The following IQCJ variants were observed in gnomAD, a reference collection of about 807,000 sequenced individuals.
IQCJ encodes the protein IQ motif containing J.
Under a neutral mutation model 11.0 loss-of-function variants are expected in IQCJ, and 9 were observed. The ratio of observed to expected loss-of-function variants is 0.82; its 90% confidence interval spans 0.49 to 1.43. IQCJ has a LOEUF of 1.43. Among genes scored for constraint, IQCJ ranks in the 40% most tolerant of loss-of-function variants. IQCJ has a pLI of 0.00. For synonymous variants in IQCJ, 55 were observed against 51.3 expected, an observed-to-expected ratio of 1.07 and a Z score of -0.31; for missense variants, 146 against 133.2, an observed-to-expected ratio of 1.10 and a Z score of -0.47.
chr3:159,137,170 G>A (rs1720337772), intron 1 of IQCJ, among the ~76,000 whole-genome samples: 2 of 152,014 alleles, frequency 1.3e-5, no homozygotes, highest in South Asian at 4.2e-4. Context: ...GCTGGGGCAG[G>A]AGAATTGCTT....
At chr3:159,089,796 T>C (rs1253584512) in intron 1 of IQCJ, among the ~76,000 whole-genome samples, 4 of 151,588 alleles carry the variant, frequency 2.6e-5, no homozygotes, top group Non-Finnish European at 5.9e-5. Flanking sequence ...CTTCTCTGTA[T>C]TGGTTATTCT....
chr3:159,074,705 T>C (rs1399734601), intron 1 of IQCJ, among the ~76,000 whole-genome samples: 2 of 152,116 alleles, frequency 1.3e-5, no homozygotes, highest in Non-Finnish European at 2.9e-5. Flanking sequence ...CCAACAATTC[T>C]AACAAAATTT....
At chr3:159,246,331 A>T (rs558870715) in intron 2 of IQCJ, among the ~76,000 whole-genome samples, 1 of 152,330 alleles carries the variant, frequency 6.6e-6, no homozygotes, top group Admixed American at 6.5e-5. Flanking sequence ...AAAAGAAGAG[A>T]TGAAATTGAA....
intron 1 of IQCJ, among the ~76,000 whole-genome samples, chr3:159,112,826 G>A (rs959778657): frequency 1.3e-5 from 2 of 152,136 alleles, no homozygotes; most frequent in East Asian, 1.9e-4. Flanking sequence ...TAGTTTCTTT[G>A]AGTGGGACCA....
intron 1 of IQCJ, among the ~76,000 whole-genome samples, chr3:159,173,108 C>A (rs1009114433): frequency 6.6e-6 from 1 of 152,268 alleles, no homozygotes; most frequent in Non-Finnish European, 1.5e-5. Context: ...TACTAGATTG[C>A]CTATCATAAA....
intron 1 of IQCJ, among the ~76,000 whole-genome samples, chr3:159,218,341 T>TTGTG (rs34078356): frequency 0.041 from 6,050 of 145,956 alleles, 232 homozygotes; most frequent in African/African-American, 0.1. Context: ...GAGTCCCTCT[T>TTGTG]TGTGTGTGTG....
chr3:159,072,525 T>C (rs1444795429), intron 1 of IQCJ, among the ~76,000 whole-genome samples: 2 of 152,108 alleles, frequency 1.3e-5, no homozygotes, highest in Non-Finnish European at 2.9e-5. Context: ...TCAAAATTAA[T>C]ATTCACTAAC....
At position 159,091,088 on chromosome 3, in the gene IQCJ, T is replaced by C. The variant is rs1208418107; in HGVS notation, c.9+21647T>C. Among the ~76,000 whole-genome samples the C allele has an allele frequency of 2.0e-5, 3 of 151,420 alleles. 1 individual carries two copies. Among genetic ancestry groups the C allele is most frequent in the African/African-American group, 7.4e-5 (3 of 40,684 alleles). On this transcript the variant is annotated intron_variant, in intron 1 of 3. Transcript: ENST00000397832. ...TGGAAACCCTAACTTGAATTTTTCT[T>C]AGGGCCTTTTTTTTTAAGAACTATA... is the stretch of plus-strand genomic sequence containing the variant.
At chr3:159,146,237 G>A (rs1720919815) in intron 1 of IQCJ, among the ~76,000 whole-genome samples, 1 of 152,130 alleles carries the variant, frequency 6.6e-6, no homozygotes, top group African/African-American at 2.4e-5. Flanking sequence ...TTGAAGATGT[G>A]GCAAATTGAT....
chr3:159,081,522 T>C (rs977900843), intron 1 of IQCJ, among the ~76,000 whole-genome samples: 3 of 152,134 alleles, frequency 2.0e-5, no homozygotes, highest in African/African-American at 4.8e-5. Context: ...GATTCTTCAG[T>C]GGTATAAAAG....
At chr3:159,255,628 A>AGGGT (rs1727854925) in intron 3 of IQCJ, among the ~76,000 whole-genome samples, 1 of 152,124 alleles carries the variant, frequency 6.6e-6, no homozygotes, top group Non-Finnish European at 1.5e-5. Flanking sequence ...AGTGTCGGGG[A>AGGGT]GGGTGCCTGT....
intron 1 of IQCJ, among the ~76,000 whole-genome samples, chr3:159,089,094 A>G (rs184068937): frequency 0.016 from 2,394 of 151,380 alleles, 73 homozygotes; most frequent in African/African-American, 0.055. Flanking sequence ...TTCCTTCAGG[A>G]GCTCTTTTAG....
At chr3:159,109,167 T>C (rs1718457713) in intron 1 of IQCJ, among the ~76,000 whole-genome samples, 2 of 152,218 alleles carry the variant, frequency 1.3e-5, no homozygotes, top group Admixed American at 6.6e-5. Flanking sequence ...CAGTACTTAC[T>C]GAGTAGGTTG....
At chr3:159,260,717 G>C (rs764430004) in intron 3 of IQCJ, among the ~76,000 whole-genome samples, 1 of 152,120 alleles carries the variant, frequency 6.6e-6, no homozygotes, top group South Asian at 2.1e-4. Flanking sequence ...CTTTGAGCAA[G>C]ATTTCGTAAT....
intron 1 of IQCJ, among the ~76,000 whole-genome samples, chr3:159,228,121 C>A (rs1460347105): frequency 1.3e-5 from 2 of 152,194 alleles, no homozygotes; most frequent in African/African-American, 2.4e-5. Flanking sequence ...GAAAACCAAG[C>A]ATTTTTCCCC....
intron 1 of IQCJ, among the ~76,000 whole-genome samples, chr3:159,182,842 G>A (rs1360491710): frequency 2.6e-5 from 4 of 151,458 alleles, no homozygotes; most frequent in African/African-American, 9.7e-5. Context: ...AACCGATTAG[G>A]TCAGGGGTCA....
At chr3:159,145,530 G>T (rs1720876990) in intron 1 of IQCJ, among the ~76,000 whole-genome samples, 3 of 150,678 alleles carry the variant, frequency 2.0e-5, no homozygotes, top group Non-Finnish European at 4.4e-5. Context: ...AAATGTTTGT[G>T]ACCAGAAGCA....
intron 1 of IQCJ, among the ~76,000 whole-genome samples, chr3:159,127,921 T>G (rs566225984): frequency 3.3e-5 from 5 of 152,296 alleles, no homozygotes; most frequent in African/African-American, 1.2e-4. Flanking sequence ...GGGAGTTCTG[T>G]TACTCCACAG....
At position 159,252,485 on chromosome 3, in the gene IQCJ, C is replaced by T. The variant is rs1314290110; in HGVS notation, c.75-242C>T. On this transcript the variant is annotated intron_variant, in intron 2 of 3. Coordinates refer to ENST00000397832, the MANE Select transcript of IQCJ (RefSeq NM_001042706.3). Reference sequence around the variant, plus strand: ...TCTCTTAAAGGAAATGATTTTCATACCATAGCTATGAATGTTAGTTGAGAA... The same window carrying T: ...TCTCTTAAAGGAAATGATTTTCATATCATAGCTATGAATGTTAGTTGAGAA... Among the ~76,000 whole-genome samples the T allele has an allele frequency of 7.2e-5, 11 of 152,088 alleles. No individual in the cohort carries two copies. The East Asian group carries it at 2.1e-3, about 29-fold the overall frequency.
Sources: allele counts gnomAD v4.1 joint callset (sites outside exome capture counted in the v4.1 genomes callset), GRCh38; gene constraint gnomAD v4.1.1; transcripts MANE v1.5; gene names NCBI Gene and HGNC (gene_info 2026-07-23, HGNC 2026-07-21).